RANBP2: variants seen among roughly 807,000 people sequenced by gnomAD.
RANBP2 encodes the protein RAN binding protein 2, also known as E3 SUMO-protein ligase RanBP2.
A neutral mutation model predicts 303.6 loss-of-function variants in RANBP2; 57 were observed. That is an observed-to-expected ratio of 0.19 (90% confidence interval 0.15 to 0.23). The LOEUF (loss-of-function observed/expected upper bound fraction) is 0.23. RANBP2 is among the 10% of genes least tolerant of loss of function. The pLI, the probability that RANBP2 is intolerant of heterozygous loss-of-function variation, is 1.00. For synonymous variants in RANBP2, 1,167 were observed against 1,301.5 expected (o/e 0.90, Z 2.23); for missense variants, 3,138 against 3,780.8 (o/e 0.83, Z 4.46).
the RANBP2 span, chr2:108,847,001 T>G: frequency 3.6e-6 from 3 of 840,236 alleles, no homozygotes; most frequent in African/African-American, 5.2e-5. Context: ...AAGCAATTCT[T>G]TTATCAAATA....
chr2:109,164,945 T>C, the RANBP2 span, among the ~76,000 whole-genome samples: 2 of 152,120 alleles, frequency 1.3e-5, no homozygotes, highest in Non-Finnish European at 2.9e-5. Context: ...AAAATGACAA[T>C]GGGGAGGTCG....
the RANBP2 span, among the ~76,000 whole-genome samples, chr2:109,625,370 G>T: frequency 6.6e-6 from 1 of 151,902 alleles, no homozygotes; most frequent in Non-Finnish European, 1.5e-5. Flanking sequence ...AATAAATGAA[G>T]TAGGCCAGGT....
chr2:108,967,136 T>C, the RANBP2 span, among the ~76,000 whole-genome samples: 1 of 152,132 alleles, frequency 6.6e-6, no homozygotes, highest in African/African-American at 2.4e-5. Flanking sequence ...AGTTTTGTCA[T>C]GTTGGTTAGG....
chr2:109,665,394 G>T, the RANBP2 span: 1 of 151,334 alleles, frequency 6.6e-6, no homozygotes, highest in Non-Finnish European at 1.5e-5. Flanking sequence ...CCAGGCTGGA[G>T]GGGAATGGTG....
the RANBP2 span, among the ~76,000 whole-genome samples, chr2:109,369,973 C>A: frequency 6.6e-6 from 1 of 152,216 alleles, no homozygotes; most frequent in African/African-American, 2.4e-5. Flanking sequence ...CTCCATGAGG[C>A]CATCTCTTGG....
chr2:108,795,683 G>GGA, the RANBP2 span, among the ~76,000 whole-genome samples: 6 of 152,294 alleles, frequency 3.9e-5, no homozygotes, highest in South Asian at 1.2e-3. Context: ...AAAAGTTTAG[G>GGA]GAGAGACTTA....
At chr2:108,865,720 G>A in the RANBP2 span, among the ~76,000 whole-genome samples, 1 of 152,152 alleles carries the variant, frequency 6.6e-6, no homozygotes, top group Non-Finnish European at 1.5e-5. Context: ...CCCATTTAAG[G>A]TGAGTGGTTG....
chr2:109,146,312 G>A, the RANBP2 span, among the ~76,000 whole-genome samples: 1 of 152,276 alleles, frequency 6.6e-6, no homozygotes, highest in South Asian at 2.1e-4. Context: ...GGGACAAATT[G>A]CCAAAGGGAT....
chr2:109,087,524 C>T, the RANBP2 span, among the ~76,000 whole-genome samples: 2 of 152,104 alleles, frequency 1.3e-5, no homozygotes, highest in South Asian at 2.1e-4. Flanking sequence ...GGGTCAACTA[C>T]GTTTAAACTG....
At chr2:109,263,536 TCA>T in the RANBP2 span, among the ~76,000 whole-genome samples, 34 of 152,352 alleles carry the variant, frequency 2.2e-4, no homozygotes, top group African/African-American at 6.7e-4. Context: ...ATTGATTCTC[TCA>T]GTTTTATTCC....
the RANBP2 span, among the ~76,000 whole-genome samples, chr2:108,811,222 C>A: frequency 7.3e-6 from 1 of 136,318 alleles, no homozygotes; most frequent in Admixed American, 7.6e-5. Flanking sequence ...TATTTCTTCT[C>A]TCCCTTTTCT....
the RANBP2 span, among the ~76,000 whole-genome samples, chr2:108,804,417 T>A: frequency 6.6e-6 from 1 of 152,174 alleles, no homozygotes; most frequent in Non-Finnish European, 1.5e-5. Flanking sequence ...GCATCAAAAA[T>A]TTTAGCTGCT....
the RANBP2 span, among the ~76,000 whole-genome samples, chr2:109,497,481 A>T: frequency 6.6e-6 from 1 of 152,232 alleles, no homozygotes; most frequent in East Asian, 1.9e-4. Context: ...GGATTCCTTG[A>T]GCCCTGTGTC....
At chr2:109,423,716 T>C in the RANBP2 span, among the ~76,000 whole-genome samples, 2 of 152,160 alleles carry the variant, frequency 1.3e-5, no homozygotes, top group Admixed American at 1.3e-4. Flanking sequence ...GTGCCCAGCC[T>C]TGTGGTCAGC....
At chr2:109,169,547 A>G in the RANBP2 span, among the ~76,000 whole-genome samples, 1 of 152,070 alleles carries the variant, frequency 6.6e-6, no homozygotes, top group Non-Finnish European at 1.5e-5. Context: ...TGTAGCTTCT[A>G]AGGGGTCCAG....
In RANBP2 at chr2:108,765,759, T is replaced by C; in HGVS notation, c.5220T>C (p.Ser1740=). The C allele has an allele frequency of 6.2e-7, 1 of 1,614,112 alleles. No individual in the cohort carries two copies. The highest frequency in any genetic ancestry group is 8.5e-7 in the Non-Finnish European group (1 of 1,180,010). ...CSVCLVRNEA[S]ATKCIACQCP... ...TGTGCTTAGTAAGAAATGAAGCCAGTGCTACCAAATGTATTGCTTGTCAGT... is the reference window on the plus strand; with the variant it reads ...TGTGCTTAGTAAGAAATGAAGCCAGCGCTACCAAATGTATTGCTTGTCAGT... The change falls in exon 20 of 29, where the codon AGT becomes AGC. Residue 1740 remains serine, a synonymous_variant. Coordinates refer to ENST00000283195, the MANE Select transcript of RANBP2 (RefSeq NM_006267.5).
chr2:109,661,030 T>C, the RANBP2 span, among the ~76,000 whole-genome samples: 3 of 152,190 alleles, frequency 2.0e-5, no homozygotes, highest in Non-Finnish European at 4.4e-5. Flanking sequence ...AAAACAGATA[T>C]ATGATAAAAT....
the RANBP2 span, among the ~76,000 whole-genome samples, chr2:109,218,147 G>A: frequency 8.3e-6 from 1 of 120,966 alleles, no homozygotes. Flanking sequence ...CTCCTTTTCT[G>A]TTCTATTAAA....
chr2:109,303,588 G>A, the RANBP2 span, among the ~76,000 whole-genome samples: 3 of 152,236 alleles, frequency 2.0e-5, no homozygotes, highest in East Asian at 5.8e-4. Flanking sequence ...CCAAGGGACG[G>A]GAGAGGGCCG....
Sources: gnomAD v4.1 joint callset for allele counts (sites outside exome capture counted in the v4.1 genomes callset) on GRCh38, gnomAD v4.1.1 for gene constraint, MANE v1.5 for transcripts, NCBI Gene and HGNC (gene_info 2026-07-23, HGNC 2026-07-21) for gene names.